KCNIP4: variants seen among roughly 807,000 people sequenced by gnomAD.
KCNIP4 encodes the protein potassium voltage-gated channel interacting protein 4, also known as Kv channel-interacting protein 4.
Under a neutral mutation model 34.0 loss-of-function variants are expected in KCNIP4, and 12 were observed. The ratio of observed to expected loss-of-function variants is 0.35; its 90% CI spans 0.23 to 0.57. The LOEUF (loss-of-function observed/expected upper bound fraction) is 0.57, where lower values mean the gene tolerates loss of function less well. KCNIP4 is among the 20% of genes least tolerant of loss of function. KCNIP4 has a pLI of 0.83. For synonymous variants in KCNIP4, 124 were observed against 102.2 expected (o/e 1.21, Z -1.29); for missense variants, 238 against 311.7 (o/e 0.76, Z 1.78).
intron 1 of KCNIP4, among the ~76,000 whole-genome samples, chr4:21,710,679 G>A (rs1192828309): frequency 6.6e-6 from 1 of 152,162 alleles, no homozygotes; most frequent in Non-Finnish European, 1.5e-5. Flanking sequence ...TCAGGCTTGT[G>A]TCTGGCTCTC....
chr4:21,464,056 A>C lies in KCNIP4; in HGVS notation c.61+484515T>G, dbSNP rs538068766. ...TTTTATTTCTGTAAGGTTGGTAGTG[A>C]TGTCTCCACTCCCATTTTTGATTTT... On this transcript the variant is annotated intron_variant, in intron 1 of 8. Coordinates refer to ENST00000382152, the MANE Select transcript of KCNIP4 (RefSeq NM_025221.6). Among the ~76,000 whole-genome samples the C allele has an allele frequency of 6.0e-3, 919 of 152,030 alleles. 6 individuals carry two copies. The highest frequency in any genetic ancestry group is 0.02 in the Middle Eastern group (6 of 294).
At chr4:20,749,853 T>C (rs1282874545) in intron 4 of KCNIP4, 121 bp from the exon 5 acceptor site, 1 of 596,720 alleles carries the variant, frequency 1.7e-6, no homozygotes, top group Non-Finnish European at 2.9e-6. Context: ...TAGTTTGTGC[T>C]TTCTTCACAA....
Position 21,760,719 on chromosome 4 carries a change from A to C in KCNIP4, c.61+187852T>G, listed in dbSNP as rs1322504032. On this transcript the variant is annotated intron_variant, in intron 1 of 8. Transcript: ENST00000382152. ...CTCTAAATTTCTGTCAAGTATTAAA[A>C]AGCTAAAATTTTAAATATTTCTATT... Among the ~76,000 whole-genome samples the C allele has an allele frequency of 2.0e-5, 3 of 152,096 alleles. No individual in the cohort carries two copies. The East Asian group carries it at 5.8e-4, about 29-fold the overall frequency.
intron 1 of KCNIP4, among the ~76,000 whole-genome samples, chr4:21,444,840 C>T (rs1236912559): frequency 6.6e-6 from 1 of 152,188 alleles, no homozygotes; most frequent in Non-Finnish European, 1.5e-5. Flanking sequence ...CAACTTGTCC[C>T]TGTTTGCAGA....
chr4:21,623,052 A>G (rs1577709231), intron 1 of KCNIP4, among the ~76,000 whole-genome samples: 2 of 152,338 alleles, frequency 1.3e-5, no homozygotes, highest in East Asian at 3.9e-4. Context: ...AGCCAACTAC[A>G]ATACTAGCAG....
intron 1 of KCNIP4, among the ~76,000 whole-genome samples, chr4:21,172,159 C>T (rs1754064401): frequency 6.6e-6 from 1 of 152,056 alleles, no homozygotes; most frequent in South Asian, 2.1e-4. Context: ...TCCCGAGTAG[C>T]TGGGATTATA....
chr4:20,855,633 A>G (rs1721493449), intron 2 of KCNIP4, among the ~76,000 whole-genome samples: 1 of 151,788 alleles, frequency 6.6e-6, no homozygotes, highest in South Asian at 2.1e-4. Flanking sequence ...CCCTAATCTT[A>G]GCATATCTTA....
At chr4:20,749,459 T>C (rs1001139868) in intron 5 of KCNIP4, among the ~76,000 whole-genome samples, 1 of 152,150 alleles carries the variant, frequency 6.6e-6, no homozygotes, top group Non-Finnish European at 1.5e-5. Flanking sequence ...TGAGCCGATA[T>C]AAAGCATTAG....
rs1031011253 is a variant in KCNIP4, at chr4:21,502,970, T to C, written c.61+445601A>G. On this transcript the variant is annotated intron_variant, in intron 1 of 8. Transcript: ENST00000382152. ...ACCTTCTGTTTTCTATTAAAAATGATTTTACCTTTACATCTAACAGTTGTC... is the reference window on the plus strand; with the variant it reads ...ACCTTCTGTTTTCTATTAAAAATGACTTTACCTTTACATCTAACAGTTGTC... 3.9e-5 allele frequency among the ~76,000 whole-genome samples: 6 copies of C among 152,286 alleles called. No individual in the cohort carries two copies. The East Asian group carries it at 1.2e-3, about 29-fold the overall frequency.
At chr4:21,308,519 T>C (rs1026896910) in intron 1 of KCNIP4, among the ~76,000 whole-genome samples, 1 of 152,196 alleles carries the variant, frequency 6.6e-6, no homozygotes, top group Non-Finnish European at 1.5e-5. Context: ...GTGGGGCTGA[T>C]AGCTGCTTGC....
In KCNIP4 at chr4:21,571,931, G is replaced by A. The variant is rs760944830; in HGVS notation, c.61+376640C>T. ...TAATCAAACTCATAGGATATGTATG[G>A]CACACTATTTCATTGAAGAAACAGA... On this transcript the variant is annotated intron_variant, in intron 1 of 8. Transcript: ENST00000382152. Among the ~76,000 whole-genome samples the A allele has an allele frequency of 5.9e-4, 89 of 152,060 alleles. 2 individuals carry two copies. The highest frequency in any genetic ancestry group is 2.6e-4 in the Admixed American group (4 of 15,258).
At chr4:20,951,488 G>T (rs186767277) in intron 1 of KCNIP4, among the ~76,000 whole-genome samples, 405 of 152,228 alleles carry the variant, frequency 2.7e-3, no homozygotes, top group Non-Finnish European at 4.7e-3. Context: ...TTAAGTAAAA[G>T]ATATTTTTTA....
At chr4:21,411,630 C>T (rs773207931) in intron 1 of KCNIP4, among the ~76,000 whole-genome samples, 1 of 152,034 alleles carries the variant, frequency 6.6e-6, no homozygotes, top group African/African-American at 2.4e-5. Flanking sequence ...GCCTGGACAA[C>T]ATGGCAAAAC....
intron 1 of KCNIP4, among the ~76,000 whole-genome samples, chr4:21,281,079 A>G (rs2059488): frequency 0.27 from 39,129 of 146,180 alleles, 5,348 homozygotes; most frequent in South Asian, 0.39. Context: ...AAAAAGTTAC[A>G]TTTTCTTCTT....
intron 1 of KCNIP4, among the ~76,000 whole-genome samples, chr4:21,353,190 A>G (rs2109381697): frequency 6.6e-6 from 1 of 152,346 alleles, no homozygotes. Context: ...AGATGGGGAG[A>G]AACCAGAGCA....
intron 1 of KCNIP4, among the ~76,000 whole-genome samples, chr4:21,031,350 T>G (rs2149764123): frequency 6.6e-6 from 1 of 152,336 alleles, no homozygotes; most frequent in African/African-American, 2.4e-5. Flanking sequence ...TTTGTACCCA[T>G]TTTTGTGATA....
chr4:21,005,915 G>GA (rs1738513938), intron 1 of KCNIP4, among the ~76,000 whole-genome samples: 1 of 152,164 alleles, frequency 6.6e-6, no homozygotes, highest in Non-Finnish European at 1.5e-5. Flanking sequence ...CATTTTTTCT[G>GA]AAATTTGCAT....
intron 1 of KCNIP4, among the ~76,000 whole-genome samples, chr4:21,719,737 G>A (rs1714648668): frequency 6.6e-6 from 1 of 151,954 alleles, no homozygotes; most frequent in Non-Finnish European, 1.5e-5. Flanking sequence ...TGAAGCAGAT[G>A]AATCACCTGA....
chr4:21,610,570 C>T (rs1221420735), intron 1 of KCNIP4, among the ~76,000 whole-genome samples: 1 of 152,068 alleles, frequency 6.6e-6, no homozygotes, highest in Non-Finnish European at 1.5e-5. Flanking sequence ...AAGAAAAACA[C>T]AATCAAAATT....
Sources: allele counts gnomAD v4.1 joint callset (sites outside exome capture counted in the v4.1 genomes callset), GRCh38; gene constraint gnomAD v4.1.1; transcripts MANE v1.5; gene names NCBI Gene and HGNC (gene_info 2026-07-23, HGNC 2026-07-21).